CTBP2: variants seen among roughly 807,000 people sequenced by gnomAD.
CTBP2 encodes the protein C-terminal-binding protein 2.
CTBP2 carries 30 observed loss-of-function variants against 80.3 expected under a neutral mutation model. The observed-to-expected ratio is 0.37, with a 90% CI of 0.28 to 0.51. The LOEUF is 0.51. Ranked by LOEUF, CTBP2 falls within the 20% of genes least tolerant of loss-of-function variation. CTBP2 has a pLI of 0.93. For synonymous variants in CTBP2, 594 were observed against 587.4 expected (o/e 1.01, Z -0.16); for missense variants, 1,212 against 1,375.3 (o/e 0.88, Z 1.88).
intron 1 of CTBP2, among the ~76,000 whole-genome samples, chr10:125,016,353 T>C (rs1956485744): frequency 6.6e-6 from 1 of 152,198 alleles, no homozygotes; most frequent in Non-Finnish European, 1.5e-5. Context: ...CCAGGAGCCC[T>C]CTGGATGGCC....
Position 125,027,855 on chromosome 10 carries a change from C to A in CTBP2, c.-96G>T. ...AAAACAGACCTGGCTGTGTGCTAACCCTTCCGAGACGGCAGGGACAACCAA... is the reference window on the plus strand; with the variant it reads ...AAAACAGACCTGGCTGTGTGCTAACACTTCCGAGACGGCAGGGACAACCAA... On this transcript the variant is annotated 5_prime_UTR_variant, in exon 1 of 9. Transcript: ENST00000309035. The A allele has an allele frequency of 7.0e-7, 1 of 1,431,568 alleles. No homozygotes were observed. The highest frequency in any genetic ancestry group is 9.1e-7 in the Non-Finnish European group (1 of 1,096,600). The allele number at this position is 1,431,568 out of a possible 1,614,324, so 88.7% of individuals were successfully genotyped here.
chr10:125,026,934 C>G lies in CTBP2; in HGVS notation c.826G>C (p.Asp276His). The G allele has an allele frequency of 6.2e-7, 1 of 1,614,076 alleles. No homozygotes were observed. The highest frequency in any genetic ancestry group is 8.5e-7 in the Non-Finnish European group (1 of 1,180,020). ...CCAGGACCCTGGAAGGTGGACAGGT[C>G]AGCTTCGTAAGTCTCGTAAGCCATC... is the stretch of plus-strand genomic sequence containing the variant. The change falls in exon 1 of 9, where the codon GAC becomes CAC. Residue 276 changes from aspartate (D) to histidine (H), a missense_variant. Coordinates refer to ENST00000309035, the MANE Select transcript of CTBP2 (RefSeq NM_022802.3).
At chr10:125,064,764 CCTGA>C (rs1464004926) in intron 2 of CTBP2, among the ~76,000 whole-genome samples, 1 of 152,216 alleles carries the variant, frequency 6.6e-6, no homozygotes, top group Non-Finnish European at 1.5e-5. Context: ...ACCCTGCTTC[CCTGA>C]CTGTGTAGTG....
chr10:124,985,114 G>C lies in CTBP2; in HGVS notation c.*4404C>G, dbSNP rs1952004084. The C allele has an allele frequency of 6.6e-6, 5 of 761,494 alleles. No individual in the cohort carries two copies. The Admixed American group carries it at 7.5e-5, about 11-fold the overall frequency. The allele number at this position is 761,494 out of a possible 1,614,324, so 47.2% of individuals were successfully genotyped here. ...CCAAATCTGGCAGGATCTGCTCGGG[G>C]AAGTGTTTTCCTGGACCACACACAC... On this transcript the variant is annotated 3_prime_UTR_variant, in exon 9 of 9. Coordinates refer to ENST00000309035, the MANE Select transcript of CTBP2 (RefSeq NM_022802.3).
intron 2 of CTBP2, among the ~76,000 whole-genome samples, chr10:125,065,545 T>A (rs1162702188): frequency 6.6e-6 from 1 of 152,016 alleles, no homozygotes; most frequent in Non-Finnish European, 1.5e-5. Flanking sequence ...AAATACCAAG[T>A]CCACATCCTG....
chr10:125,058,013 G>A (rs1054142023), intron 2 of CTBP2, among the ~76,000 whole-genome samples: 4 of 152,100 alleles, frequency 2.6e-5, no homozygotes, highest in Non-Finnish European at 5.9e-5. Flanking sequence ...GCTGGGTGGC[G>A]GGAGGTGCTT....
chr10:125,097,564 C>T (rs560096606), intron 2 of CTBP2, among the ~76,000 whole-genome samples: 2 of 152,252 alleles, frequency 1.3e-5, no homozygotes, highest in East Asian at 3.9e-4. Flanking sequence ...TTCTCTGTCC[C>T]GCTGCTACAG....
At chr10:125,127,133 C>T (rs770429317) in intron 1 of CTBP2, among the ~76,000 whole-genome samples, 6 of 152,210 alleles carry the variant, frequency 3.9e-5, no homozygotes, top group Admixed American at 6.5e-5. Context: ...CAGCCCCATG[C>T]ACATGCTCTC....
At chr10:125,008,862 T>C (rs888694601) in intron 1 of CTBP2, among the ~76,000 whole-genome samples, 24 of 152,268 alleles carry the variant, frequency 1.6e-4, no homozygotes, top group African/African-American at 5.8e-4. Context: ...ATATTTGCCT[T>C]AGCATGCTTA....
intron 1 of CTBP2, among the ~76,000 whole-genome samples, chr10:125,125,045 T>G (rs1230884240): frequency 6.6e-6 from 1 of 152,216 alleles, no homozygotes; most frequent in Non-Finnish European, 1.5e-5. Flanking sequence ...TTGGTGCCAC[T>G]GCCACTGGCT....
Position 125,050,782 on chromosome 10 carries a change from T to C in CTBP2, c.-101-11627A>G, listed in dbSNP as rs181745691. On this transcript the variant is annotated intron_variant, in intron 2 of 10. Transcript: ENST00000337195. Reference sequence around the variant, plus strand: ...TTTTAACACTCATCATAGCTCAGAATGTTCCAGGCTATAGCTAAAATATAA... The same window carrying C: ...TTTTAACACTCATCATAGCTCAGAACGTTCCAGGCTATAGCTAAAATATAA... 3.4e-3 allele frequency among the ~76,000 whole-genome samples: 511 copies of C among 152,324 alleles called. 1 individual carries two copies. The highest frequency in any genetic ancestry group is 0.011 in the African/African-American group (477 of 41,578).
rs549526844 is a variant in CTBP2 at position 125,070,299 on chromosome 10, C to A, written c.-101-31144G>T. The stretch of plus-strand genomic sequence containing the variant: ...TGGGGAGGCAGATGTTGCAGTGAGC[C>A]GAGATCGTGCCACTGCACTCCAGCC... On this transcript the variant is annotated intron_variant, in intron 2 of 10. Transcript: ENST00000337195. Among the ~76,000 whole-genome samples, 77 of 152,048 alleles carry A rather than the reference C, an allele frequency of 5.1e-4. 2 individuals carry two copies. The South Asian group carries it at 0.016, about 31-fold the overall frequency.
intron 2 of CTBP2, among the ~76,000 whole-genome samples, chr10:125,050,604 G>C (rs771425253): frequency 4.6e-5 from 7 of 152,126 alleles, no homozygotes; most frequent in Non-Finnish European, 8.8e-5. Context: ...ATCAAATGCC[G>C]GGAAAAGGAA....
chr10:125,107,164 G>A (rs1306241321), intron 2 of CTBP2, among the ~76,000 whole-genome samples: 1 of 152,204 alleles, frequency 6.6e-6, no homozygotes, highest in Non-Finnish European at 1.5e-5. Flanking sequence ...CCCCTACTCC[G>A]AAGGCTGGCT....
chr10:125,136,201 G>C (rs1856950877), intron 1 of CTBP2, among the ~76,000 whole-genome samples: 1 of 152,274 alleles, frequency 6.6e-6, no homozygotes, highest in East Asian at 1.9e-4. Context: ...CAGGCAGGGG[G>C]CGGCCTCCTA....
intron 1 of CTBP2, among the ~76,000 whole-genome samples, chr10:125,140,444 C>T (rs1278329062): frequency 6.6e-6 from 1 of 152,118 alleles, no homozygotes; most frequent in Non-Finnish European, 1.5e-5. Flanking sequence ...CGGGCAACGA[C>T]CAGAAAATTA....
intron 1 of CTBP2, among the ~76,000 whole-genome samples, chr10:125,152,506 T>C (rs552999833): frequency 6.6e-6 from 1 of 152,290 alleles, no homozygotes; most frequent in East Asian, 1.9e-4. Flanking sequence ...CTTTATGACT[T>C]GGGGGAGGCA....
At chr10:125,081,867 G>A (rs1590632814) in intron 2 of CTBP2, among the ~76,000 whole-genome samples, 1 of 152,018 alleles carries the variant, frequency 6.6e-6, no homozygotes, top group African/African-American at 2.4e-5. Context: ...GTCAGGCAGG[G>A]CAAGGTCCCA....
chr10:125,010,889 C>T (rs1351273479), intron 1 of CTBP2, among the ~76,000 whole-genome samples: 1 of 152,174 alleles, frequency 6.6e-6, no homozygotes, highest in African/African-American at 2.4e-5. Flanking sequence ...TGAGGTACAA[C>T]CAGGTAGGAA....
Sources: gnomAD v4.1 joint callset for allele counts (sites outside exome capture counted in the v4.1 genomes callset) on GRCh38, gnomAD v4.1.1 for gene constraint, MANE v1.5 for transcripts, NCBI Gene and HGNC (gene_info 2026-07-23, HGNC 2026-07-21) for gene names.